FER: variants seen among roughly 807,000 people sequenced by gnomAD.
The protein encoded by FER is FER tyrosine kinase, also known as tyrosine-protein kinase Fer.
Under a neutral mutation model 111.0 loss-of-function variants are expected in FER, and 63 were observed. That is an observed-to-expected ratio of 0.57 (90% CI 0.46 to 0.70). The LOEUF is 0.70. Among genes scored for constraint, FER ranks in the 30% least tolerant of loss-of-function variants. The probability of loss-of-function intolerance (pLI) is 0.00; values close to 1 mark genes in which losing one functional copy is unlikely to be tolerated. For synonymous variants in FER, 327 were observed against 313.9 expected, an observed-to-expected ratio of 1.04 and a Z score of -0.44; for missense variants, 914 against 954.0, an observed-to-expected ratio of 0.96 and a Z score of 0.55.
intron 1 of FER, among the ~76,000 whole-genome samples, chr5:108,754,025 C>T (rs963063862): frequency 1.3e-5 from 2 of 152,088 alleles, no homozygotes; most frequent in African/African-American, 4.8e-5. Context: ...CTCTCCTATT[C>T]AAGAAAGCAT....
Position 108,943,434 on chromosome 5 carries a change from A to G in FER, c.1237-2696A>G, listed in dbSNP as rs1332725530. ...CCTTAGTGCCTCCTTTCAGAACCTCACTTTGAGAACTGTTATATGCTTTTT... is the reference window on the plus strand; with the variant it reads ...CCTTAGTGCCTCCTTTCAGAACCTCGCTTTGAGAACTGTTATATGCTTTTT... On this transcript the variant is annotated intron_variant, in intron 10 of 19. Coordinates refer to ENST00000281092, the MANE Select transcript of FER (RefSeq NM_005246.4). Among the ~76,000 whole-genome samples, 3 of 152,196 alleles carry G rather than the reference A, an allele frequency of 2.0e-5. No homozygotes were observed. In the East Asian group the frequency reaches 5.8e-4, roughly 29 times the overall value.
At chr5:108,806,893 G>T (rs1333762854) in intron 3 of FER, among the ~76,000 whole-genome samples, 1 of 152,100 alleles carries the variant, frequency 6.6e-6, no homozygotes, top group East Asian at 1.9e-4. Flanking sequence ...AAGACTTTGG[G>T]GGACTGTTGG....
At chr5:108,887,016 C>T (rs1040405984) in intron 9 of FER, among the ~76,000 whole-genome samples, 2 of 151,596 alleles carry the variant, frequency 1.3e-5, no homozygotes, top group Non-Finnish European at 3.0e-5. Context: ...TATAACTACA[C>T]ATGTATGTTT....
intron 16 of FER, chr5:109,052,442 T>G: frequency 7.3e-7 from 1 of 1,371,986 alleles, no homozygotes; most frequent in Non-Finnish European, 1.0e-6. Context: ...TTGCCTAAAG[T>G]GCTCCAGTCA....
chr5:109,107,161 C>A (rs1749036171), intron 17 of FER, among the ~76,000 whole-genome samples: 1 of 152,148 alleles, frequency 6.6e-6, no homozygotes, highest in African/African-American at 2.4e-5. Flanking sequence ...GTCTCATATT[C>A]TTCCTCATTT....
Position 108,866,976 on chromosome 5 carries a change from T to G in FER, c.482-791T>G, listed in dbSNP as rs76327342. On this transcript the variant is annotated intron_variant, in intron 5 of 19. Coordinates refer to ENST00000281092, the MANE Select transcript of FER (RefSeq NM_005246.4). ...TCTCTCAGACTTCTTCCACATGAAGTCTAAATTTCTCTGCTTGATTTTCAA... is the reference window on the plus strand; with the variant it reads ...TCTCTCAGACTTCTTCCACATGAAGGCTAAATTTCTCTGCTTGATTTTCAA... Among the ~76,000 whole-genome samples, 189 of 152,244 alleles carry G rather than the reference T, an allele frequency of 1.2e-3. 5 individuals are homozygous for G. The East Asian group carries it at 0.021, about 17-fold the overall frequency.
At chr5:109,052,479 T>A in intron 16 of FER, 1 of 1,056,002 alleles carries the variant, frequency 9.5e-7, no homozygotes, top group South Asian at 1.3e-5. Context: ...ACCACTCTTT[T>A]GCTTAAAAGA....
intron 13 of FER, among the ~76,000 whole-genome samples, chr5:108,960,548 A>AATAT (rs911676083): frequency 6.6e-6 from 1 of 150,888 alleles, no homozygotes; most frequent in South Asian, 2.1e-4. Flanking sequence ...TCTATAGCAA[A>AATAT]ATATATATAT....
At chr5:108,979,188 T>G (rs376796284) in intron 13 of FER, among the ~76,000 whole-genome samples, 2 of 152,338 alleles carry the variant, frequency 1.3e-5, no homozygotes, top group East Asian at 3.9e-4. Context: ...CAATATTCTT[T>G]CCTGTAAAGT....
intron 13 of FER, among the ~76,000 whole-genome samples, chr5:109,016,430 G>C (rs1469700379): frequency 6.6e-6 from 1 of 151,956 alleles, no homozygotes; most frequent in Non-Finnish European, 1.5e-5. Flanking sequence ...AAAGATAAGA[G>C]GATTGAGCAA....
chr5:108,757,648 A>T (rs1470699092), intron 1 of FER, among the ~76,000 whole-genome samples: 2 of 152,182 alleles, frequency 1.3e-5, no homozygotes. Flanking sequence ...AAATGTCAGG[A>T]ATCTTACGTT....
intron 13 of FER, among the ~76,000 whole-genome samples, chr5:108,976,344 A>G (rs549620597): frequency 3.9e-5 from 6 of 152,224 alleles, no homozygotes; most frequent in African/African-American, 1.4e-4. Context: ...TCAGATTGCT[A>G]CTTTTAAAAC....
chr5:108,965,479 A>G (rs1469495266), intron 13 of FER, among the ~76,000 whole-genome samples: 2 of 152,218 alleles, frequency 1.3e-5, no homozygotes, highest in Non-Finnish European at 2.9e-5. Flanking sequence ...AAGAAGGAAA[A>G]AAAACACTTG....
intron 13 of FER, among the ~76,000 whole-genome samples, chr5:108,984,036 G>T (rs1762301135): frequency 6.6e-6 from 1 of 152,020 alleles, no homozygotes; most frequent in African/African-American, 2.4e-5. Flanking sequence ...AACAGACACG[G>T]TGCCTACTCT....
chr5:108,795,119 T>A (rs1299799420), intron 2 of FER, among the ~76,000 whole-genome samples: 1 of 152,116 alleles, frequency 6.6e-6, no homozygotes, highest in African/African-American at 2.4e-5. Flanking sequence ...CACGTAGGAG[T>A]TTGACAGCAG....
chr5:108,751,825 AG>A (rs1750543087), intron 1 of FER, among the ~76,000 whole-genome samples: 1 of 152,144 alleles, frequency 6.6e-6, no homozygotes, highest in Non-Finnish European at 1.5e-5. Flanking sequence ...TTTATAGTAA[AG>A]GAATAAGTGG....
At chr5:109,010,044 G>C (rs752035957) in intron 13 of FER, among the ~76,000 whole-genome samples, 3 of 152,212 alleles carry the variant, frequency 2.0e-5, no homozygotes, top group Non-Finnish European at 2.9e-5. Context: ...CTCTGGACAG[G>C]AGAAACAGCA....
intron 13 of FER, among the ~76,000 whole-genome samples, chr5:108,989,559 G>A (rs1053419561): frequency 2.0e-5 from 3 of 151,852 alleles, no homozygotes; most frequent in Admixed American, 2.0e-4. Context: ...TTCTTTCTGA[G>A]TGTGAAATAT....
chr5:108,968,537 C>A (rs1215692548), intron 13 of FER, among the ~76,000 whole-genome samples: 1 of 151,902 alleles, frequency 6.6e-6, no homozygotes, highest in African/African-American at 2.4e-5. Flanking sequence ...CCAAAACTGC[C>A]CTTGGAGGAA....
Sources: gnomAD v4.1 joint callset for allele counts (sites outside exome capture counted in the v4.1 genomes callset) on GRCh38, gnomAD v4.1.1 for gene constraint, MANE v1.5 for transcripts, NCBI Gene and HGNC (gene_info 2026-07-23, HGNC 2026-07-21) for gene names.